Variants in RABGAP1 observed in about 807,000 individuals in gnomAD.
RABGAP1 encodes RAB GTPase activating protein 1.
Under a neutral mutation model 137.6 loss-of-function variants are expected in RABGAP1, and 23 were observed. The observed-to-expected ratio is 0.17, with a 90% CI of 0.12 to 0.24. The LOEUF (loss-of-function observed/expected upper bound fraction) is 0.24. Among genes scored for constraint, RABGAP1 ranks in the 10% least tolerant of loss-of-function variants. RABGAP1 has a pLI of 1.00. For synonymous variants in RABGAP1, 451 were observed against 450.7 expected, an observed-to-expected ratio of 1.00 and a Z score of -0.01; for missense variants, 906 against 1,275.8, an observed-to-expected ratio of 0.71 and a Z score of 4.42.
At chr9:123,053,366 CAT>C (rs2033567955) in intron 13 of RABGAP1, among the ~76,000 whole-genome samples, 1 of 152,176 alleles carries the variant, frequency 6.6e-6, no homozygotes, top group South Asian at 2.1e-4. Flanking sequence ...TGACAAATGA[CAT>C]GAGTGCTATG....
At chr9:122,933,983 C>T in the RABGAP1 span, among the ~76,000 whole-genome samples, 1 of 151,902 alleles carries the variant, frequency 6.6e-6, no homozygotes, top group African/African-American at 2.4e-5. Flanking sequence ...CCTCAGGCTG[C>T]TCTTGGACTC....
intron 13 of RABGAP1, among the ~76,000 whole-genome samples, chr9:123,027,112 T>TC (rs1564143191): frequency 6.8e-6 from 1 of 146,776 alleles, no homozygotes; most frequent in African/African-American, 2.5e-5. Flanking sequence ...TCTTTTCTTT[T>TC]TTTTTTTTTT....
At chr9:122,959,075 T>A (rs1285479936) in intron 2 of RABGAP1, among the ~76,000 whole-genome samples, 1 of 152,002 alleles carries the variant, frequency 6.6e-6, no homozygotes, top group Non-Finnish European at 1.5e-5. Flanking sequence ...CAGTAAAACT[T>A]AAAAAAATTA....
At chr9:123,048,559 C>T (rs2033322068) in intron 13 of RABGAP1, among the ~76,000 whole-genome samples, 1 of 152,140 alleles carries the variant, frequency 6.6e-6, no homozygotes, top group African/African-American at 2.4e-5. Context: ...ACGTATTAAG[C>T]TGTACTAAGA....
At chr9:122,948,042 AACACACACACACAC>A (rs55683114) in intron 1 of RABGAP1, among the ~76,000 whole-genome samples, 230 of 145,328 alleles carry the variant, frequency 1.6e-3, no homozygotes, top group Middle Eastern at 3.4e-3. Context: ...GAGCCAGGAA[AACACACACACACAC>A]ACACACACAC....
intron 8 of RABGAP1, chr9:122,996,864 A>G (rs1406937274): frequency 2.2e-6 from 1 of 453,850 alleles, no homozygotes; most frequent in Non-Finnish European, 4.0e-6. Flanking sequence ...TGATGTGATA[A>G]TCAAAAGAGA....
intron 13 of RABGAP1, among the ~76,000 whole-genome samples, chr9:123,061,377 A>G (rs1031187252): frequency 1.3e-5 from 2 of 152,206 alleles, no homozygotes; most frequent in African/African-American, 4.8e-5. Flanking sequence ...GGCCTCCCAA[A>G]GTGCTAGGAT....
chr9:122,987,779 C>A (rs1588219029), intron 4 of RABGAP1, among the ~76,000 whole-genome samples: 3 of 152,202 alleles, frequency 2.0e-5, no homozygotes, highest in African/African-American at 7.2e-5. Context: ...TCTTTTTAGA[C>A]TTCTGTTGAT....
intron 13 of RABGAP1, among the ~76,000 whole-genome samples, chr9:123,043,542 CTGAT>C (rs749424790): frequency 1.7e-4 from 25 of 151,212 alleles, no homozygotes; most frequent in Non-Finnish European, 3.5e-4. Flanking sequence ...ATGACATACT[CTGAT>C]TCAGTTATGT....
intron 14 of RABGAP1, among the ~76,000 whole-genome samples, chr9:123,068,737 A>G (rs2034262182): frequency 6.6e-6 from 1 of 152,192 alleles, no homozygotes; most frequent in South Asian, 2.1e-4. Flanking sequence ...ATTGAATTCT[A>G]CGAAAATTTA....
chr9:122,943,062 G>T, intron 1 of RABGAP1, among the ~76,000 whole-genome samples: 1 of 144,686 alleles, frequency 6.9e-6, no homozygotes, highest in African/African-American at 2.6e-5. Context: ...GTCATGTTGT[G>T]GTGCACTTTC....
At chr9:123,035,532 G>A in intron 13 of RABGAP1, 3 of 1,613,980 alleles carry the variant, frequency 1.9e-6, no homozygotes, top group Non-Finnish European at 2.5e-6. Context: ...CAGGGGCTAT[G>A]TGTACTTCTT....
At chr9:123,058,486 A>C (rs1353123281) in intron 13 of RABGAP1, among the ~76,000 whole-genome samples, 1 of 152,206 alleles carries the variant, frequency 6.6e-6, no homozygotes, top group Non-Finnish European at 1.5e-5. Flanking sequence ...AAAGCAAAAC[A>C]ATTTTATTAA....
chr9:122,979,225 G>A (rs563575065), intron 2 of RABGAP1, among the ~76,000 whole-genome samples: 1 of 152,074 alleles, frequency 6.6e-6, no homozygotes, highest in Non-Finnish European at 1.5e-5. Context: ...GGGTATAGAG[G>A]CATCCTATTA....
chr9:123,033,657 G>A (rs2032434873), intron 13 of RABGAP1: 1 of 151,698 alleles, frequency 6.6e-6, no homozygotes, highest in Non-Finnish European at 1.5e-5. Flanking sequence ...TGCAGTACGC[G>A]GGTTGAAGCA....
At chr9:122,992,565 A>G (rs988889607) in intron 6 of RABGAP1, among the ~76,000 whole-genome samples, 1 of 151,930 alleles carries the variant, frequency 6.6e-6, no homozygotes, top group Non-Finnish European at 1.5e-5. Context: ...CACATTTGTT[A>G]GGACTTTGTT....
chr9:123,055,537 T>TTTC (rs1362155331), intron 13 of RABGAP1, among the ~76,000 whole-genome samples: 17 of 151,000 alleles, frequency 1.1e-4, no homozygotes, highest in African/African-American at 2.7e-4. Flanking sequence ...CAGCCAGATA[T>TTTC]TTCTTCTTCT....
At chr9:123,040,220 C>T (rs146360132) in intron 13 of RABGAP1, among the ~76,000 whole-genome samples, 3 of 152,304 alleles carry the variant, frequency 2.0e-5, no homozygotes, top group African/African-American at 7.2e-5. Context: ...ACCAAGGCTT[C>T]CTGGTGGGCC....
chr9:123,076,635 C>T lies in RABGAP1; in HGVS notation c.2297C>T (p.Thr766Ile). 1 of 1,589,616 alleles carries T rather than the reference C, an allele frequency of 6.3e-7. No individual in the cohort carries two copies. The highest frequency in any genetic ancestry group is 8.5e-7 in the Non-Finnish European group (1 of 1,171,022). Residue 766 changes from threonine (T) to isoleucine (I), a missense_variant and splice_region_variant, in exon 19 of 26, where the codon ACT (threonine) becomes ATT (isoleucine). Thr to Ile is a moderately conservative substitution (Grantham distance 89). Coordinates refer to ENST00000373647, the MANE Select transcript of RABGAP1 (RefSeq NM_012197.4). Reference sequence around the variant, plus strand: ...ATATGTGTTTGTATTTTCTTCAAGACTTCGAAAGATGACCTGCTGTTGACA... The same window carrying T: ...ATATGTGTTTGTATTTTCTTCAAGATTTCGAAAGATGACCTGCTGTTGACA... ...IFNVALGLLK[T>I]SKDDLLLTDF...
Sources: allele counts gnomAD v4.1 joint callset (sites outside exome capture counted in the v4.1 genomes callset), GRCh38; gene constraint gnomAD v4.1.1; transcripts MANE v1.5; gene names NCBI Gene and HGNC (gene_info 2026-07-23, HGNC 2026-07-21).